Variants in AGO1 observed in about 807,000 individuals in gnomAD.
The protein encoded by AGO1 is argonaute RISC component 1, also known as protein argonaute-1.
AGO1 carries 11 observed loss-of-function variants against 109.2 expected under a neutral mutation model. That is an observed-to-expected ratio of 0.10 (90% CI 0.06 to 0.17). The LOEUF (loss-of-function observed/expected upper bound fraction) is 0.17. Ranked by LOEUF, AGO1 falls within the 10% of genes least tolerant of loss-of-function variation. The probability of loss-of-function intolerance (pLI) is 1.00; values close to 1 mark genes in which losing one functional copy is unlikely to be tolerated. For missense variants in AGO1, 574 were observed against 1,140.3 expected (o/e 0.50, Z 7.15); for synonymous variants, 422 against 418.6 (o/e 1.01, Z -0.10).
At chr1:35,873,388 CTCT>C (rs1263383339) in intron 1 of AGO1, 1 of 154,234 alleles carries the variant, frequency 6.5e-6, no homozygotes, top group Non-Finnish European at 1.5e-5. Flanking sequence ...GTCCTGGAAG[CTCT>C]TCTTAATGGG....
In AGO1 at chr1:35,907,585, A is replaced by G. The variant is rs183358187; in HGVS notation, c.1582+466A>G. Among the ~76,000 whole-genome samples, 248 of 152,260 alleles carry G rather than the reference A, an allele frequency of 1.6e-3. 1 individual carries two copies. Among genetic ancestry groups the G allele is most frequent in the African/African-American group, 5.8e-3 (241 of 41,528 alleles). ...CTCATTTTTTAGAATAAGAATGATT[A>G]TATAAATTTCTGTCACAGCACTTTT... On this transcript the variant is annotated intron_variant, in intron 12 of 18. Transcript: ENST00000373204.
chr1:35,913,631 T>G (rs1262300017), intron 12 of AGO1, among the ~76,000 whole-genome samples: 1 of 152,150 alleles, frequency 6.6e-6, no homozygotes, highest in Admixed American at 6.5e-5. Context: ...CTGTTATTGT[T>G]CCATGAAGTT....
At chr1:35,915,156 G>C (rs1160545388) in intron 14 of AGO1, among the ~76,000 whole-genome samples, 192 bp from the exon 15 acceptor site, 1 of 151,994 alleles carries the variant, frequency 6.6e-6, no homozygotes, top group Non-Finnish European at 1.5e-5. Context: ...CATCTGAGAA[G>C]AGGAAAAAAG....
upstream of AGO1, chr1:35,882,817 T>C (rs994145545): frequency 9.8e-5 from 97 of 984,916 alleles, no homozygotes; most frequent in Non-Finnish European, 1.1e-4. The surrounding 1 kb of genome is among the most constrained non-coding windows in gnomAD (Gnocchi z 5.1). Flanking sequence ...ATGAGGGTGA[T>C]TGGGAGGAGA....
chr1:35,878,934 G>C (rs1645013263), upstream of AGO1, among the ~76,000 whole-genome samples: 2 of 151,408 alleles, frequency 1.3e-5, no homozygotes, highest in Non-Finnish European at 2.9e-5. Flanking sequence ...ATGTAGATTG[G>C]GATGCAAACT....
At position 35,919,586 on chromosome 1, in the gene AGO1, G is replaced by A; in HGVS notation, c.2553G>A (p.Leu851=). The A allele has an allele frequency of 6.2e-7, 1 of 1,614,020 alleles. No individual in the cohort carries two copies. Among genetic ancestry groups the A allele is most frequent in the Non-Finnish European group, 8.5e-7 (1 of 1,179,930 alleles). Residue 851 remains leucine (L), a synonymous_variant, in exon 19 of 19, where the codon CTG becomes CTA. Coordinates refer to ENST00000373204, the MANE Select transcript of AGO1 (RefSeq NM_012199.5). This position sits in a 1 kb window ranked among gnomAD's most constrained non-coding sequence, Gnocchi z 6.6. ...CCGTGCAGGTTCACCAGGATACTCT[G>A]CGCACCATGTACTTCGCTTGAAGGC... ...AKAVQVHQDT[L]RTMYFA
rs1352780824 is a variant in AGO1, at chr1:35,925,335, C to G, written c.*5728C>G. The G allele has an allele frequency of 6.6e-6, 1 of 150,694 alleles. No homozygotes were observed. The highest frequency in any genetic ancestry group is 6.6e-5 in the Admixed American group (1 of 15,082). 9.3% of individuals were successfully genotyped at this position (150,694 alleles called of 1,614,324 possible). On this transcript the variant is annotated 3_prime_UTR_variant, in exon 19 of 19. Coordinates refer to ENST00000373204, the MANE Select transcript of AGO1 (RefSeq NM_012199.5). Reference sequence around the variant, plus strand: ...AATTCTAAAATGGCTAAAACTAGGACTTTCAAGTTCACCACAACTACCACC... The same window carrying G: ...AATTCTAAAATGGCTAAAACTAGGAGTTTCAAGTTCACCACAACTACCACC...
intron 1 of AGO1, among the ~76,000 whole-genome samples, chr1:35,884,582 C>G (rs546760362): frequency 6.6e-6 from 1 of 152,268 alleles, no homozygotes; most frequent in Non-Finnish European, 1.5e-5. Context: ...TTCCTCTCCC[C>G]ACTCCCCAGA....
rs1293330178 is a variant in AGO1, at chr1:35,888,872, G to A, written c.209+262G>A. Among the ~76,000 whole-genome samples the A allele has an allele frequency of 1.3e-5, 2 of 152,334 alleles. No homozygotes were observed. The highest frequency in any genetic ancestry group is 6.5e-5 in the Admixed American group (1 of 15,300). On this transcript the variant is annotated intron_variant, in intron 2 of 18. Transcript: ENST00000373204. The surrounding 1 kb of genome is among the most constrained non-coding windows in gnomAD (Gnocchi z 4.1). ...CTAACTACATTGAGTTAAGAAATAAGTACAGTACCTACTACATTTCAATAT... is the reference window on the plus strand; with the variant it reads ...CTAACTACATTGAGTTAAGAAATAAATACAGTACCTACTACATTTCAATAT...
chr1:35,917,101 C>G (rs55762724), intron 15 of AGO1, among the ~76,000 whole-genome samples: 1 of 152,152 alleles, frequency 6.6e-6, no homozygotes, highest in Non-Finnish European at 1.5e-5. Context: ...CTTAGCTAGC[C>G]TGTTTTCTTA....
upstream of AGO1, among the ~76,000 whole-genome samples, chr1:35,881,415 G>A (rs923476411): frequency 6.6e-6 from 1 of 151,946 alleles, no homozygotes; most frequent in East Asian, 1.9e-4. Context: ...CCCCCTCCCC[G>A]GTTCAAGCTA....
At position 35,893,486 on chromosome 1, in the gene AGO1, A is replaced by G. The variant is rs1645259949; in HGVS notation, c.513-188A>G. On this transcript the variant is annotated intron_variant, in intron 4 of 18. Transcript: ENST00000373204. The surrounding 1 kb of genome is among the most constrained non-coding windows in gnomAD (Gnocchi z 5.6). ...CTTAGATATCTTTGGGCCTCATCCC[A>G]TCTGTCCCTGCAGGGCAGAGAGAAG... The G allele has an allele frequency of 2.5e-6, 2 of 804,156 alleles. No homozygotes were observed. The highest frequency in any genetic ancestry group is 3.0e-5 in the Admixed American group (1 of 33,728). The allele number at this position is 804,156 out of a possible 1,614,324, so 49.8% of individuals were successfully genotyped here. A position where few individuals can be genotyped will look rare whatever the true frequency, so the allele number is the denominator to read the frequency against.
Position 35,915,389 on chromosome 1 carries a change from T to C in AGO1, c.1875T>C (p.Ala625=). 6.2e-7 allele frequency: 1 copy of C among 1,614,158 alleles called. No homozygotes were observed. The highest frequency in any genetic ancestry group is 8.5e-7 in the Non-Finnish European group (1 of 1,180,022). The change falls in exon 15 of 19, where the codon GCT becomes GCC. Residue 625 remains alanine, a synonymous_variant. Coordinates refer to ENST00000373204, the MANE Select transcript of AGO1 (RefSeq NM_012199.5). ...SMDAHPSRYC[A]TVRVQRPRQE... ...ATGCCCACCCCAGCCGATACTGTGC[T>C]ACTGTGCGGGTACAGCGACCACGGC...
intron 1 of AGO1, among the ~76,000 whole-genome samples, chr1:35,877,481 A>T (rs1645001690): frequency 6.6e-6 from 1 of 152,084 alleles, no homozygotes; most frequent in African/African-American, 2.4e-5. Context: ...TGATTATCCC[A>T]GACTAGATTA....
intron 1 of AGO1, among the ~76,000 whole-genome samples, chr1:35,877,838 G>A (rs1269332396): frequency 6.6e-6 from 1 of 151,322 alleles, no homozygotes; most frequent in Non-Finnish European, 1.5e-5. Context: ...AGTAGCAGGC[G>A]AGCGCCACCA....
In AGO1 at chr1:35,893,546, T is replaced by A; in HGVS notation, c.513-128T>A. The A allele has an allele frequency of 9.8e-7, 1 of 1,021,720 alleles. No homozygotes were observed. The highest frequency in any genetic ancestry group is 1.4e-6 in the Non-Finnish European group (1 of 718,478). The allele number at this position is 1,021,720 out of a possible 1,614,324, so 63.3% of individuals were successfully genotyped here. ...TGTACAAGGTCAGTCATACAACTAG[T>A]AAAGCATCAGAGCTGGCATTAAAGC... On this transcript the variant is annotated intron_variant, in intron 4 of 18. Coordinates refer to ENST00000373204, the MANE Select transcript of AGO1 (RefSeq NM_012199.5). This position sits in a 1 kb window ranked among gnomAD's most constrained non-coding sequence, Gnocchi z 5.6.
chr1:35,886,797 ATTCAT>A (rs1292728887), intron 1 of AGO1, among the ~76,000 whole-genome samples: 1 of 152,028 alleles, frequency 6.6e-6, no homozygotes, highest in African/African-American at 2.4e-5. Flanking sequence ...ATGTTTGTTC[ATTCAT>A]TTCATATCAG....
At chr1:35,912,775 T>C (rs1249187674) in intron 12 of AGO1, among the ~76,000 whole-genome samples, 3 of 152,070 alleles carry the variant, frequency 2.0e-5, no homozygotes, top group Admixed American at 1.3e-4. Context: ...GGTTTCACCA[T>C]GTTGGCCAGG....
rs1466173006 is a variant in AGO1 at position 35,921,347 on chromosome 1, G to A, written c.*1740G>A. 6.6e-6 allele frequency: 1 copy of A among 150,940 alleles called. No individual in the cohort carries two copies. Among genetic ancestry groups the A allele is most frequent in the East Asian group, 2.0e-4 (1 of 5,086 alleles). 9.4% of individuals were successfully genotyped at this position (150,940 alleles called of 1,614,324 possible). A position where few individuals can be genotyped will look rare whatever the true frequency, so the allele number is the denominator to read the frequency against. On this transcript the variant is annotated 3_prime_UTR_variant, in exon 19 of 19. Coordinates refer to ENST00000373204, the MANE Select transcript of AGO1 (RefSeq NM_012199.5). ...TGGCTGTCTTGCAGGACTGGAGAAG[G>A]TGGTGGTTCTAGCTTGGTCTCTGTT...
Sources: allele counts gnomAD v4.1 joint callset (sites outside exome capture counted in the v4.1 genomes callset), GRCh38; gene constraint gnomAD v4.1.1; non-coding constraint Gnocchi (gnomAD v3.1); transcripts MANE v1.5; gene names NCBI Gene and HGNC (gene_info 2026-07-23, HGNC 2026-07-21).